SESTD1: variants seen among roughly 807,000 people sequenced by gnomAD.
The protein encoded by SESTD1 is SEC14 domain and spectrin repeat-containing protein 1.
In SESTD1, 43 loss-of-function variants were observed where a neutral mutation model predicts 101.7. The observed-to-expected ratio is 0.42, with a 90% CI of 0.33 to 0.55. The LOEUF is 0.55. Among genes scored for constraint, SESTD1 ranks in the 20% least tolerant of loss-of-function variants. The pLI, the probability that SESTD1 is intolerant of heterozygous loss-of-function variation, is 0.07. For missense variants in SESTD1, 647 were observed against 815.1 expected (o/e 0.79, Z 2.51); for synonymous variants, 283 against 286.8 (o/e 0.99, Z 0.13).
intron 1 of SESTD1, among the ~76,000 whole-genome samples, chr2:179,255,425 T>C (rs893416246): frequency 1.3e-5 from 2 of 152,210 alleles, no homozygotes; most frequent in Non-Finnish European, 2.9e-5. Context: ...ATTGTTAATA[T>C]GGAGAAAGGT....
chr2:179,114,794 C>A (rs1207233874), intron 16 of SESTD1, among the ~76,000 whole-genome samples: 1 of 152,098 alleles, frequency 6.6e-6, no homozygotes, highest in African/African-American at 2.4e-5. Context: ...TTCTGGACAC[C>A]AGGCTTGGTG....
At chr2:179,110,474 AATTTT>A (rs967434366) in intron 17 of SESTD1, among the ~76,000 whole-genome samples, 3 of 152,204 alleles carry the variant, frequency 2.0e-5, no homozygotes, top group African/African-American at 7.2e-5. Flanking sequence ...TAAAATTATT[AATTTT>A]ATTCTACTCT....
intron 17 of SESTD1, among the ~76,000 whole-genome samples, chr2:179,111,716 ATTC>A (rs1409352092): frequency 1.4e-5 from 2 of 146,062 alleles, no homozygotes; most frequent in East Asian, 2.0e-4. Context: ...GCTCCTCCTG[ATTC>A]TTTTTTTTTT....
chr2:179,183,299 T>C (rs1022546530), intron 2 of SESTD1, 111 bp from the exon 3 acceptor site: 1 of 594,348 alleles, frequency 1.7e-6, no homozygotes, highest in East Asian at 3.3e-5. Flanking sequence ...AAGATATAAT[T>C]TGGAAAATAT....
At chr2:179,182,387 C>T (rs909633167) in intron 3 of SESTD1, among the ~76,000 whole-genome samples, 6 of 152,080 alleles carry the variant, frequency 3.9e-5, no homozygotes, top group East Asian at 1.9e-4. Context: ...GATAAGCAGG[C>T]TTCCCAAGAA....
chr2:179,179,115 A>G (rs1432863801), intron 3 of SESTD1, among the ~76,000 whole-genome samples: 1 of 152,182 alleles, frequency 6.6e-6, no homozygotes, highest in Non-Finnish European at 1.5e-5. Context: ...ACTTGAAAGG[A>G]AATAGTTTTG....
At chr2:179,198,215 T>C (rs1490400848) in intron 1 of SESTD1, among the ~76,000 whole-genome samples, 2 of 152,070 alleles carry the variant, frequency 1.3e-5, no homozygotes, top group Admixed American at 6.5e-5. Flanking sequence ...GACAAGGCCA[T>C]TACATAATGG....
intron 5 of SESTD1, 130 bp from the exon 6 acceptor site, chr2:179,151,521 TAATAC>T (rs1326853636): frequency 3.9e-6 from 2 of 506,636 alleles, no homozygotes; most frequent in Non-Finnish European, 6.7e-6. Flanking sequence ...ATCATTTACT[TAATAC>T]AATATTTAAA....
intron 17 of SESTD1, 123 bp downstream of exon 17, chr2:179,112,601 G>T: frequency 1.7e-6 from 2 of 1,154,752 alleles, no homozygotes; most frequent in East Asian, 2.7e-5. Flanking sequence ...ATTCATCGTA[G>T]GAGTTAAAGA....
intron 9 of SESTD1, among the ~76,000 whole-genome samples, chr2:179,137,451 A>C (rs577730803): frequency 6.6e-6 from 1 of 152,330 alleles, no homozygotes; most frequent in East Asian, 1.9e-4. Flanking sequence ...AGTGTATTCT[A>C]TTTGGCATCT....
At chr2:179,250,680 C>T (rs892563373) in intron 1 of SESTD1, among the ~76,000 whole-genome samples, 3 of 139,048 alleles carry the variant, frequency 2.2e-5, no homozygotes, top group African/African-American at 9.2e-5. Flanking sequence ...CTCTAAAGAC[C>T]CAATTTCAAC....
At chr2:179,129,131 C>T (rs899047028) in intron 10 of SESTD1, among the ~76,000 whole-genome samples, 12 of 152,202 alleles carry the variant, frequency 7.9e-5, no homozygotes, top group African/African-American at 2.7e-4. Context: ...AGTCTTGATT[C>T]GCCAGGTAGA....
intron 1 of SESTD1, among the ~76,000 whole-genome samples, chr2:179,206,171 C>T (rs1453022065): frequency 1.5e-5 from 2 of 135,404 alleles, no homozygotes; most frequent in Non-Finnish European, 3.2e-5. Context: ...GTGCAGCTCC[C>T]ACTTGGACAG....
chr2:179,213,374 C>T (rs2046676970), intron 1 of SESTD1, among the ~76,000 whole-genome samples: 1 of 133,986 alleles, frequency 7.5e-6, no homozygotes, highest in Non-Finnish European at 1.6e-5. Context: ...ATAGCCGATT[C>T]GATCAAGTGG....
At chr2:179,132,081 A>G (rs1270069901) in intron 10 of SESTD1, 2 of 395,054 alleles carry the variant, frequency 5.1e-6, no homozygotes, top group Non-Finnish European at 8.9e-6. Context: ...TTGTGCTTCT[A>G]TAAAAATATA....
chr2:179,175,509 TTA>T (rs149504767), intron 4 of SESTD1, among the ~76,000 whole-genome samples: 4,012 of 152,276 alleles, frequency 0.026, 79 homozygotes, highest in Non-Finnish European at 0.035. Flanking sequence ...TACTACCAAC[TTA>T]TGTTTCCCCT....
intron 16 of SESTD1, among the ~76,000 whole-genome samples, chr2:179,113,152 A>G (rs2044550558): frequency 6.6e-6 from 1 of 152,254 alleles, no homozygotes; most frequent in African/African-American, 2.4e-5. Flanking sequence ...TATTTGGAAA[A>G]TAAGTTCAAT....
rs1300646691 is a variant in SESTD1 at position 179,121,894 on chromosome 2, C to T, written c.1318G>A (p.Gly440Ser). The T allele has an allele frequency of 1.2e-6, 2 of 1,607,142 alleles. No homozygotes were observed. The highest frequency in any genetic ancestry group is 2.2e-5 in the South Asian group (2 of 89,834). Residue 440 changes from glycine (G) to serine (S), a missense_variant, in exon 13 of 18, where the codon GGT (glycine) becomes AGT (serine). Around this residue, in one of 3 missense-constraint regions of SESTD1, gnomAD observed 476 missense variants for 562.6 expected, o/e 0.85. Coordinates refer to ENST00000428443, the MANE Select transcript of SESTD1 (RefSeq NM_178123.5). ...TGATTGGAGATCTGATCCAGGAGACCTTGACCTTTTTCACGCAAACCTTGC... is the reference window on the plus strand; with the variant it reads ...TGATTGGAGATCTGATCCAGGAGACTTTGACCTTTTTCACGCAAACCTTGC... ...GLQGLREKGQGLLDQISNQAS... is the reference protein window; with the variant it reads ...GLQGLREKGQSLLDQISNQAS...
In SESTD1 at chr2:179,183,168, C is replaced by T. The variant is rs1559132660; in HGVS notation, c.76G>A (p.Gly26Ser). 6 of 1,610,600 alleles carry T rather than the reference C, an allele frequency of 3.7e-6. No individual in the cohort carries two copies. Among genetic ancestry groups the T allele is most frequent in the Non-Finnish European group, 5.1e-6 (6 of 1,178,162 alleles). Residue 26 changes from glycine (G) to serine (S), a missense_variant, in exon 3 of 18, where the codon GGC (glycine) becomes AGC (serine). This residue lies in a region of SESTD1 where 168 missense variants were observed against 235.1 expected (regional missense o/e 0.71). Coordinates refer to ENST00000428443, the MANE Select transcript of SESTD1 (RefSeq NM_178123.5). ...FLSGGKDRRSGLILTIPLCLE... is the reference protein window; with the variant it reads ...FLSGGKDRRSSLILTIPLCLE... ...CATAATGGAATTGTCAAAATGAGGC[C>T]ACTCCGTCTGTCTTTTCCTCCTATT... is the stretch of plus-strand genomic sequence containing the variant.
Sources: allele counts gnomAD v4.1 joint callset (sites outside exome capture counted in the v4.1 genomes callset), GRCh38; gene constraint gnomAD v4.1.1; regional missense constraint gnomAD v4.1.1; transcripts MANE v1.5; gene names NCBI Gene and HGNC (gene_info 2026-07-23, HGNC 2026-07-21).